DPP10: variants seen among roughly 807,000 people sequenced by gnomAD.
DPP10 encodes the protein dipeptidyl peptidase like 10.
A neutral mutation model predicts 120.9 loss-of-function variants in DPP10; 33 were observed. The observed-to-expected ratio is 0.27, with a 90% CI of 0.21 to 0.37. The LOEUF (loss-of-function observed/expected upper bound fraction) is 0.37, where lower values mean the gene tolerates loss of function less well. DPP10 is among the 10% of genes least tolerant of loss of function. DPP10 has a pLI of 1.00. For missense variants in DPP10, 816 were observed against 942.8 expected, an observed-to-expected ratio of 0.87 and a Z score of 1.76; for synonymous variants, 337 against 326.1, an observed-to-expected ratio of 1.03 and a Z score of -0.36.
intron 1 of DPP10, among the ~76,000 whole-genome samples, chr2:114,685,982 C>T (rs1699339180): frequency 6.6e-6 from 1 of 151,950 alleles, no homozygotes; most frequent in South Asian, 2.1e-4. Context: ...GCAATTATTA[C>T]AGCTGGCTCT....
At chr2:115,736,173 G>A (rs1251565981) in intron 8 of DPP10, among the ~76,000 whole-genome samples, 2 of 152,026 alleles carry the variant, frequency 1.3e-5, no homozygotes, top group East Asian at 1.9e-4. Flanking sequence ...CAATATTATG[G>A]GAATAAGAAG....
At chr2:115,261,330 T>C (rs1253483891) in intron 1 of DPP10, among the ~76,000 whole-genome samples, 1 of 152,186 alleles carries the variant, frequency 6.6e-6, no homozygotes, top group Non-Finnish European at 1.5e-5. Context: ...ACTACTTTGG[T>C]GGATCGTTTC....
chr2:114,823,916 T>C (rs1686311623), intron 1 of DPP10, among the ~76,000 whole-genome samples: 1 of 152,160 alleles, frequency 6.6e-6, no homozygotes, highest in Non-Finnish European at 1.5e-5. Flanking sequence ...AGGGTTTCAC[T>C]CAGAGCAGGG....
chr2:115,054,623 A>G (rs1553478615), intron 1 of DPP10, among the ~76,000 whole-genome samples: 1 of 152,200 alleles, frequency 6.6e-6, no homozygotes, highest in Non-Finnish European at 1.5e-5. Flanking sequence ...TTAGAAATAC[A>G]TATTATAGGC....
chr2:114,804,683 C>T (rs1193877138), intron 1 of DPP10, among the ~76,000 whole-genome samples: 2 of 152,188 alleles, frequency 1.3e-5, no homozygotes, highest in South Asian at 4.1e-4. Context: ...CCCATGGAAA[C>T]AGCTACATTT....
At chr2:115,768,194 T>C in intron 12 of DPP10, 103 bp from the exon 13 acceptor site, 2 of 925,722 alleles carry the variant, frequency 2.2e-6, no homozygotes, top group East Asian at 2.8e-5. Flanking sequence ...CCTAACTAAT[T>C]ATAAATCAAT....
At chr2:115,552,497 G>A (rs920197648) in intron 5 of DPP10, among the ~76,000 whole-genome samples, 3 of 152,082 alleles carry the variant, frequency 2.0e-5, no homozygotes, top group Non-Finnish European at 2.9e-5. Flanking sequence ...AGGCTGCTGA[G>A]CTGTTCATTC....
intron 1 of DPP10, among the ~76,000 whole-genome samples, chr2:114,916,989 A>G (rs1424738363): frequency 2.6e-5 from 4 of 152,206 alleles, no homozygotes; most frequent in African/African-American, 4.8e-5. Context: ...CAAGAGAAAG[A>G]AGTAAAAGTC....
intron 1 of DPP10, among the ~76,000 whole-genome samples, chr2:114,677,310 C>T (rs190198213): frequency 1.9e-4 from 29 of 152,174 alleles, no homozygotes; most frequent in Admixed American, 3.3e-4. Flanking sequence ...AGCACCTCCA[C>T]CCATACTCAA....
chr2:115,484,545 C>A (rs1025379735), intron 3 of DPP10, among the ~76,000 whole-genome samples: 1 of 152,036 alleles, frequency 6.6e-6, no homozygotes, highest in African/African-American at 2.4e-5. Context: ...TACTGAGAAC[C>A]CTGGAAAATA....
chr2:115,143,797 C>A (rs560784341), intron 1 of DPP10, among the ~76,000 whole-genome samples: 26 of 152,290 alleles, frequency 1.7e-4, no homozygotes, highest in Middle Eastern at 3.4e-3. Flanking sequence ...ACCCAATGAT[C>A]CCCAGGACAT....
chr2:114,631,394 C>A (rs1412579988), intron 1 of DPP10, among the ~76,000 whole-genome samples: 1 of 152,092 alleles, frequency 6.6e-6, no homozygotes. Flanking sequence ...CCTGAAGAAA[C>A]CTGTGAATGA....
At chr2:114,787,903 A>G (rs2106222882) in intron 1 of DPP10, among the ~76,000 whole-genome samples, 1 of 152,372 alleles carries the variant, frequency 6.6e-6, no homozygotes, top group African/African-American at 2.4e-5. Context: ...TGAGTATAGG[A>G]TACAAAGCTA....
chr2:115,736,983 C>T (rs1295942621), intron 8 of DPP10, among the ~76,000 whole-genome samples: 3 of 152,132 alleles, frequency 2.0e-5, no homozygotes, highest in Admixed American at 6.5e-5. Context: ...AACTAAGTCT[C>T]CTACCACGAA....
intron 1 of DPP10, among the ~76,000 whole-genome samples, chr2:115,233,163 T>A (rs992621240): frequency 3.3e-5 from 5 of 152,046 alleles, no homozygotes; most frequent in Non-Finnish European, 7.4e-5. Flanking sequence ...TAAAATAGAA[T>A]GATCTTTCAT....
At position 115,842,767 on chromosome 2, in the gene DPP10, T is replaced by C. The variant is rs1374188681; in HGVS notation, c.*422T>C. 6.5e-6 allele frequency: 1 copy of C among 154,020 alleles called. No individual in the cohort carries two copies. The highest frequency in any genetic ancestry group is 2.4e-5 in the African/African-American group (1 of 41,520). 9.5% of individuals were successfully genotyped at this position (154,020 alleles called of 1,614,324 possible). On this transcript the variant is annotated 3_prime_UTR_variant, in exon 26 of 26. Transcript: ENST00000410059. ...ATGGCTGAGCTGCAATCTAACACTT[T>C]ACTGTACCTTTATAATAAGTGCAAT...
intron 1 of DPP10, among the ~76,000 whole-genome samples, chr2:114,571,996 ATATT>A (rs1319769916): frequency 2.0e-5 from 3 of 149,404 alleles, no homozygotes; most frequent in East Asian, 1.9e-4. Context: ...ATATAATACA[ATATT>A]TATACCACAT....
At chr2:114,865,571 AC>A (rs1303657289) in intron 1 of DPP10, among the ~76,000 whole-genome samples, 2 of 152,166 alleles carry the variant, frequency 1.3e-5, no homozygotes, top group African/African-American at 4.8e-5. Flanking sequence ...TTCATTAATC[AC>A]TTCATATTAA....
intron 1 of DPP10, among the ~76,000 whole-genome samples, chr2:115,115,225 A>G (rs147156509): frequency 1.1e-4 from 16 of 152,262 alleles, no homozygotes; most frequent in African/African-American, 3.4e-4. Flanking sequence ...TACACAGTGG[A>G]GCATTATTTG....
Sources: allele counts gnomAD v4.1 joint callset (sites outside exome capture counted in the v4.1 genomes callset), GRCh38; gene constraint gnomAD v4.1.1; transcripts MANE v1.5; gene names NCBI Gene and HGNC (gene_info 2026-07-23, HGNC 2026-07-21).